NCOA1: variants seen among roughly 807,000 people sequenced by gnomAD.
NCOA1 encodes nuclear receptor coactivator 1.
NCOA1 carries 35 observed loss-of-function variants against 150.9 expected under a neutral mutation model. The ratio of observed to expected loss-of-function variants is 0.23; its 90% CI spans 0.18 to 0.31. The LOEUF (loss-of-function observed/expected upper bound fraction) is 0.31, where lower values mean the gene tolerates loss of function less well. NCOA1 is among the 10% of genes least tolerant of loss of function. NCOA1 has a pLI of 1.00. For missense variants in NCOA1, 1,491 were observed against 1,749.3 expected, an observed-to-expected ratio of 0.85 and a Z score of 2.63; for synonymous variants, 590 against 630.0, an observed-to-expected ratio of 0.94 and a Z score of 0.95.
intron 14 of NCOA1, among the ~76,000 whole-genome samples, chr2:24,721,968 C>T (rs1343956774): frequency 1.3e-5 from 2 of 152,080 alleles, no homozygotes; most frequent in Non-Finnish European, 2.9e-5. Flanking sequence ...ATTTGTGTTC[C>T]CCTTTTTTCT....
chr2:24,600,896 CAA>C (rs1347055231), intron 3 of NCOA1, among the ~76,000 whole-genome samples: 1 of 152,144 alleles, frequency 6.6e-6, no homozygotes, highest in African/African-American at 2.4e-5. Flanking sequence ...CTGTTCACCT[CAA>C]TATTCTGTAC....
chr2:24,549,630 A>T (rs1665744896), intron 1 of NCOA1, among the ~76,000 whole-genome samples: 1 of 152,102 alleles, frequency 6.6e-6, no homozygotes, highest in African/African-American at 2.4e-5. Context: ...GCAGTGGCGC[A>T]ATCTGGGCTC....
At chr2:24,613,664 A>C (rs1572491869) in intron 3 of NCOA1, among the ~76,000 whole-genome samples, 1 of 151,850 alleles carries the variant, frequency 6.6e-6, no homozygotes, top group African/African-American at 2.4e-5. Context: ...ATCTCTACAC[A>C]GGAAGGATGG....
At chr2:24,642,803 T>A (rs1269472247) in intron 3 of NCOA1, among the ~76,000 whole-genome samples, 1 of 152,204 alleles carries the variant, frequency 6.6e-6, no homozygotes, top group Non-Finnish European at 1.5e-5. Flanking sequence ...GAATGAACTA[T>A]TGATACGTGC....
intron 22 of NCOA1, among the ~76,000 whole-genome samples, chr2:24,765,346 A>G (rs1665005371): frequency 6.6e-6 from 1 of 151,748 alleles, no homozygotes. Context: ...AATACAAAAA[A>G]AAATTAGCCA....
intron 3 of NCOA1, among the ~76,000 whole-genome samples, chr2:24,593,155 TA>T: frequency 6.6e-6 from 1 of 152,020 alleles, no homozygotes. Context: ...AGGGCCAGAG[TA>T]AGTAATTTGT....
chr2:24,656,580 A>C (rs7561414), intron 4 of NCOA1, among the ~76,000 whole-genome samples: 2 of 152,114 alleles, frequency 1.3e-5, no homozygotes, highest in East Asian at 3.8e-4. Context: ...ATATTTAGCT[A>C]TACTTTTGGA....
intron 2 of NCOA1, among the ~76,000 whole-genome samples, chr2:24,567,301 A>G (rs914605392): frequency 6.6e-6 from 1 of 152,214 alleles, no homozygotes; most frequent in Non-Finnish European, 1.5e-5. Flanking sequence ...AATAGTAATG[A>G]TGATTAAATA....
chr2:24,626,420 A>G (rs1193223162), intron 3 of NCOA1, among the ~76,000 whole-genome samples: 1 of 152,170 alleles, frequency 6.6e-6, no homozygotes, highest in East Asian at 1.9e-4. Flanking sequence ...AAAATAATGA[A>G]CGTGATGCTG....
At chr2:24,708,028 A>G in intron 13 of NCOA1, 140 bp downstream of exon 13, 1 of 1,066,616 alleles carries the variant, frequency 9.4e-7, no homozygotes, top group Non-Finnish European at 1.3e-6. Context: ...GTTAGTATCA[A>G]TAACTGATCA....
chr2:24,565,844 G>A (rs1666481162), intron 2 of NCOA1, among the ~76,000 whole-genome samples: 1 of 152,210 alleles, frequency 6.6e-6, no homozygotes, highest in African/African-American at 2.4e-5. Flanking sequence ...CCTGCAAGCT[G>A]TGTCTGGACT....
At chr2:24,675,526 G>A (rs1671863756) in intron 7 of NCOA1, among the ~76,000 whole-genome samples, 4 of 152,190 alleles carry the variant, frequency 2.6e-5, no homozygotes, top group Admixed American at 2.6e-4. Context: ...TGTGTAGTGG[G>A]GAAGAAAATT....
chr2:24,677,758 G>T (rs1256121158), intron 7 of NCOA1, among the ~76,000 whole-genome samples: 1 of 152,168 alleles, frequency 6.6e-6, no homozygotes, highest in South Asian at 2.1e-4. Context: ...GTTCCACATG[G>T]CTAGGGAAGC....
At chr2:24,743,081 G>T (rs1663694462) in intron 19 of NCOA1, among the ~76,000 whole-genome samples, 1 of 152,116 alleles carries the variant, frequency 6.6e-6, no homozygotes, top group Non-Finnish European at 1.5e-5. Flanking sequence ...GTTCTGATAG[G>T]TAGTGGCAGT....
intron 1 of NCOA1, among the ~76,000 whole-genome samples, chr2:24,512,447 G>A (rs1338513811): frequency 6.6e-6 from 1 of 152,174 alleles, no homozygotes; most frequent in African/African-American, 2.4e-5. Flanking sequence ...TAGGAGAAAT[G>A]CTTGTATTCC....
intron 3 of NCOA1, among the ~76,000 whole-genome samples, chr2:24,642,756 A>G (rs1194487422): frequency 6.6e-6 from 1 of 152,200 alleles, no homozygotes; most frequent in African/African-American, 2.4e-5. Flanking sequence ...ATGGTGAAAA[A>G]AACTGTGGCA....
At chr2:24,663,858 A>G (rs1671294419) in intron 5 of NCOA1, among the ~76,000 whole-genome samples, 2 of 152,072 alleles carry the variant, frequency 1.3e-5, no homozygotes, top group Non-Finnish European at 2.9e-5. Flanking sequence ...TGCCTGTTCT[A>G]TCACTTTTTT....
intron 3 of NCOA1, among the ~76,000 whole-genome samples, chr2:24,643,383 C>G (rs924169276): frequency 2.6e-5 from 4 of 152,294 alleles, no homozygotes; most frequent in Non-Finnish European, 4.4e-5. Flanking sequence ...GCCTTGGTCA[C>G]TTTCCAATTT....
At chr2:24,508,001 A>G (rs571895921) in intron 1 of NCOA1, among the ~76,000 whole-genome samples, 1 of 152,318 alleles carries the variant, frequency 6.6e-6, no homozygotes, top group South Asian at 2.1e-4. Flanking sequence ...TTGAAATTTC[A>G]GATTAATTTT....
Sources: gnomAD v4.1 joint callset for allele counts (sites outside exome capture counted in the v4.1 genomes callset) on GRCh38, gnomAD v4.1.1 for gene constraint, MANE v1.5 for transcripts, NCBI Gene and HGNC (gene_info 2026-07-23, HGNC 2026-07-21) for gene names.